PCDH7: variants seen among roughly 807,000 people sequenced by gnomAD.
PCDH7 encodes the protein protocadherin-7.
Under a neutral mutation model 58.9 loss-of-function variants are expected in PCDH7, and 17 were observed. The observed-to-expected ratio is 0.29, with a 90% CI of 0.20 to 0.43. The LOEUF (loss-of-function observed/expected upper bound fraction) is 0.43, where lower values mean the gene tolerates loss of function less well. Among genes scored for constraint, PCDH7 ranks in the 20% least tolerant of loss-of-function variants. The probability of loss-of-function intolerance (pLI) is 1.00; values close to 1 mark genes in which losing one functional copy is unlikely to be tolerated. For missense variants in PCDH7, 1,274 were observed against 1,441.0 expected, an observed-to-expected ratio of 0.88 and a Z score of 1.88; for synonymous variants, 664 against 616.4, an observed-to-expected ratio of 1.08 and a Z score of -1.14.
intron 2 of PCDH7, among the ~76,000 whole-genome samples, chr4:30,934,312 C>G (rs925682943): frequency 2.0e-5 from 3 of 152,064 alleles, no homozygotes; most frequent in East Asian, 3.8e-4. Flanking sequence ...TTTAGAGATC[C>G]CTGTGTGTGT....
chr4:30,768,917 C>T (rs1435686189), intron 1 of PCDH7, among the ~76,000 whole-genome samples: 3 of 152,070 alleles, frequency 2.0e-5, no homozygotes, highest in East Asian at 1.9e-4. Flanking sequence ...GAAATCAAGT[C>T]GAGGAGATGA....
At chr4:30,917,141 G>A (rs908895629) in intron 1 of PCDH7, among the ~76,000 whole-genome samples, 1 of 151,994 alleles carries the variant, frequency 6.6e-6, no homozygotes, top group African/African-American at 2.4e-5. Context: ...TAACCTTTGC[G>A]GTAAAACTGA....
At chr4:31,030,430 A>G (rs931292107) in intron 3 of PCDH7, among the ~76,000 whole-genome samples, 2 of 152,236 alleles carry the variant, frequency 1.3e-5, no homozygotes, top group South Asian at 2.1e-4. Flanking sequence ...AGCCAGGGTT[A>G]GCTATAGACA....
At chr4:30,882,737 T>A (rs531736707) in intron 1 of PCDH7, among the ~76,000 whole-genome samples, 1 of 152,326 alleles carries the variant, frequency 6.6e-6, no homozygotes, top group East Asian at 1.9e-4. Context: ...AAAAACAAAG[T>A]CATACTTTTG....
At position 31,097,638 on chromosome 4, in the gene PCDH7, A is replaced by ATATATATATATATAATC. The variant is rs370034723; in HGVS notation, c.*8-44835_*8-44834insTATATATATATATAATC. On this transcript the variant is annotated intron_variant, in intron 3 of 3. Transcript: ENST00000509759. ...TATATATATATATATATATATATATAAATCTTTTTTCTGTAATTTCTGTAA... is the reference window on the plus strand; with the variant it reads ...TATATATATATATATATATATATATATATATATATATATAATCAATCTTTTTTCTGTAATTTCTGTAA... Among the ~76,000 whole-genome samples, 13 of 79,210 alleles carry ATATATATATATATAATC rather than the reference A, an allele frequency of 1.6e-4. 3 individuals are homozygous for ATATATATATATATAATC. The highest frequency in any genetic ancestry group is 4.3e-4 in the South Asian group (1 of 2,326). The allele number at this position is 79,210 out of a possible 152,430, so 52.0% of individuals were successfully genotyped here. A position where few individuals can be genotyped will look rare whatever the true frequency, so the allele number is the denominator to read the frequency against.
At chr4:30,885,689 G>T (rs1003355401) in intron 1 of PCDH7, among the ~76,000 whole-genome samples, 6 of 152,082 alleles carry the variant, frequency 3.9e-5, no homozygotes, top group Non-Finnish European at 1.5e-5. Flanking sequence ...AAAGAACAAA[G>T]CTGGAGGCAT....
At chr4:31,142,501 G>A (rs1052806357) in exon 4 of PCDH7, 3 of 1,367,584 alleles carry the variant, frequency 2.2e-6, no homozygotes, top group Admixed American at 3.8e-5. Flanking sequence ...ATGTAGCCCT[G>A]ACTGGGAAGT....
intron 1 of PCDH7, among the ~76,000 whole-genome samples, chr4:30,790,133 C>T (rs940871552): frequency 2.0e-5 from 3 of 152,124 alleles, no homozygotes; most frequent in Non-Finnish European, 4.4e-5. Context: ...TTTTTGAATG[C>T]TATTATTTCA....
chr4:30,928,418 T>C (rs1320916045), intron 2 of PCDH7, among the ~76,000 whole-genome samples: 1 of 152,174 alleles, frequency 6.6e-6, no homozygotes, highest in African/African-American at 2.4e-5. Flanking sequence ...GGCAATTATA[T>C]AGTGTCAAAG....
At chr4:31,043,249 G>A (rs537382491) in intron 3 of PCDH7, among the ~76,000 whole-genome samples, 8 of 152,162 alleles carry the variant, frequency 5.3e-5, no homozygotes, top group South Asian at 4.2e-4. Flanking sequence ...GAACATATGC[G>A]TGCATGTATC....
chr4:31,131,370 A>T (rs773099824), intron 3 of PCDH7, among the ~76,000 whole-genome samples: 4 of 151,984 alleles, frequency 2.6e-5, no homozygotes, highest in Non-Finnish European at 4.4e-5. Context: ...GTCACCAGAG[A>T]TCATTTTCTT....
intron 3 of PCDH7, among the ~76,000 whole-genome samples, chr4:30,961,368 T>A (rs1455551455): frequency 6.7e-6 from 1 of 148,846 alleles, no homozygotes; most frequent in East Asian, 2.0e-4. Context: ...CACAGTGAAA[T>A]CCTGTCTCTA....
At chr4:30,874,996 G>T (rs1019962608) in intron 1 of PCDH7, among the ~76,000 whole-genome samples, 3 of 151,930 alleles carry the variant, frequency 2.0e-5, no homozygotes, top group Non-Finnish European at 4.4e-5. Flanking sequence ...CCCATTTATT[G>T]TTACAGTCCT....
At chr4:31,085,955 A>G (rs1423161137) in intron 3 of PCDH7, among the ~76,000 whole-genome samples, 1 of 151,924 alleles carries the variant, frequency 6.6e-6, no homozygotes, top group Non-Finnish European at 1.5e-5. Context: ...AGTGCCTAAC[A>G]GGAAGATACT....
exon 2 of PCDH7, chr4:30,731,324 T>G (rs964923352): frequency 3.4e-5 from 6 of 174,226 alleles, no homozygotes; most frequent in Admixed American, 2.0e-4. Context: ...GTTTTGTGTG[T>G]TTGTGTGTGT....
chr4:31,010,888 A>G (rs1233740095), intron 3 of PCDH7, among the ~76,000 whole-genome samples: 2 of 151,990 alleles, frequency 1.3e-5, no homozygotes, highest in Admixed American at 6.6e-5. Context: ...GAGCATGATA[A>G]TTGCAGCCTT....
chr4:31,084,656 A>AAG (rs71651575), intron 3 of PCDH7, among the ~76,000 whole-genome samples: 1,448 of 112,446 alleles, frequency 0.013, 26 homozygotes, highest in African/African-American at 0.029. Flanking sequence ...AGGAGCAAGA[A>AAG]AGAGAGAGAG....
intron 3 of PCDH7, among the ~76,000 whole-genome samples, chr4:30,953,188 A>G (rs1370357000): frequency 1.3e-5 from 2 of 152,104 alleles, no homozygotes. Context: ...CTATTTTGGG[A>G]CATCTTTAAC....
In PCDH7 at chr4:31,033,991, G is replaced by A. The variant is rs191921248; in HGVS notation, c.*7+83776G>A. 4.9e-4 allele frequency among the ~76,000 whole-genome samples: 74 copies of A among 152,240 alleles called. 1 individual carries two copies. The highest frequency in any genetic ancestry group is 1.7e-3 in the African/African-American group (70 of 41,536). On this transcript the variant is annotated intron_variant, in intron 3 of 3. Transcript: ENST00000509759. ...CCCCTGTAATCCCAGCTATTCAGGA[G>A]GCTGAGGCAGGAGAATTGCTTGAGT...
Sources: gnomAD v4.1 joint callset for allele counts (sites outside exome capture counted in the v4.1 genomes callset) on GRCh38, gnomAD v4.1.1 for gene constraint, MANE v1.5 for transcripts, NCBI Gene and HGNC (gene_info 2026-07-23, HGNC 2026-07-21) for gene names.